THAP8: variants seen among roughly 807,000 people sequenced by gnomAD.
The protein encoded by THAP8 is THAP domain-containing protein 8.
Under a neutral mutation model 25.0 loss-of-function variants are expected in THAP8, and 24 were observed. That is an observed-to-expected ratio of 0.96 (90% CI 0.69 to 1.35). THAP8 has a LOEUF of 1.35. THAP8 is among the 40% of genes most tolerant of loss of function. The probability of loss-of-function intolerance (pLI) is 0.00; values close to 1 mark genes in which losing one functional copy is unlikely to be tolerated. For synonymous variants in THAP8, 169 were observed against 157.6 expected, an observed-to-expected ratio of 1.07 and a Z score of -0.54; for missense variants, 399 against 368.8, an observed-to-expected ratio of 1.08 and a Z score of -0.67.
intron 1 of THAP8, among the ~76,000 whole-genome samples, chr19:36,044,829 G>A (rs1219271678): frequency 6.6e-6 from 1 of 152,124 alleles, no homozygotes; most frequent in African/African-American, 2.4e-5. Flanking sequence ...ACTAGTGAGT[G>A]CTAGAGAATT....
upstream of THAP8, chr19:36,054,300 C>A (rs573088832): frequency 2.7e-6 from 4 of 1,483,740 alleles, no homozygotes; most frequent in African/African-American, 1.4e-5. Flanking sequence ...CCGCCCCACC[C>A]GCGCTCGCCG....
At chr19:36,044,034 C>T (rs1346606165) in intron 1 of THAP8, among the ~76,000 whole-genome samples, 1 of 152,152 alleles carries the variant, frequency 6.6e-6, no homozygotes, top group Non-Finnish European at 1.5e-5. Context: ...TGCTCTTACC[C>T]TCTTAGATGG....
Position 36,040,039 on chromosome 19 carries a change from G to A in THAP8, c.181C>T (p.His61Tyr), listed in dbSNP as rs1452337059. The A allele has an allele frequency of 6.2e-7, 1 of 1,613,766 alleles. No individual in the cohort carries two copies. Residue 61 changes from histidine to tyrosine, a missense_variant, in exon 2 of 4, where the codon CAC becomes TAC. Transcript: ENST00000292894. ...CACTGGAAGCAGGAGGGTGTGAAGT[G>A]CTCGCTGCACAAGTGCTGGTGGCAG... Reference protein sequence around the residue: ...PSCHQHLCSEHFTPSCFQWRW... With the variant: ...PSCHQHLCSEYFTPSCFQWRW...
At chr19:36,051,235 C>T (rs565360878) in intron 1 of THAP8, among the ~76,000 whole-genome samples, 1 of 152,248 alleles carries the variant, frequency 6.6e-6, no homozygotes, top group Non-Finnish European at 1.5e-5. Context: ...AACATGCCTG[C>T]CACACTACAG....
chr19:36,048,791 T>C (rs1320007678), intron 1 of THAP8, among the ~76,000 whole-genome samples: 1 of 139,766 alleles, frequency 7.2e-6, no homozygotes, highest in Non-Finnish European at 1.5e-5. Context: ...GAGGCTGCAG[T>C]GAACCATGAT....
At chr19:36,052,988 C>T (rs1198714296) in intron 1 of THAP8, among the ~76,000 whole-genome samples, 4 of 152,038 alleles carry the variant, frequency 2.6e-5, no homozygotes, top group African/African-American at 7.2e-5. Context: ...TTTGGGAGGC[C>T]GAGGCAGGAG....
At chr19:36,052,383 G>A (rs1408899048) in intron 1 of THAP8, among the ~76,000 whole-genome samples, 3 of 152,178 alleles carry the variant, frequency 2.0e-5, no homozygotes, top group Non-Finnish European at 4.4e-5. Context: ...CTGATGATCT[G>A]AAGCGTTTCA....
chr19:36,045,264 ATATT>A (rs777511323), intron 1 of THAP8, among the ~76,000 whole-genome samples: 9 of 148,878 alleles, frequency 6.0e-5, no homozygotes, highest in Non-Finnish European at 6.0e-5. Context: ...ATTTTTTTGT[ATATT>A]TATTTATTTA....
At chr19:36,039,900 G>C in intron 2 of THAP8, 44 bp downstream of exon 2, 3 of 1,609,598 alleles carry the variant, frequency 1.9e-6, no homozygotes, top group Non-Finnish European at 2.5e-6. Context: ...TAGGCAGGGA[G>C]GTCTGGGGGT....
intron 1 of THAP8, among the ~76,000 whole-genome samples, chr19:36,049,675 C>A (rs1358666980): frequency 0.08 from 12 of 150 alleles, 1 homozygote; most frequent in East Asian, 0.29. Flanking sequence ...CATTTTCCTC[C>A]TTATTATACA....
At chr19:36,037,343 T>TAC (rs58349186) in intron 3 of THAP8, among the ~76,000 whole-genome samples, 6,257 of 114,662 alleles carry the variant, frequency 0.055, 262 homozygotes, top group East Asian at 0.18. Context: ...ATTCCTCCCC[T>TAC]ACACACACAC....
At chr19:36,053,633 T>C (rs561990685) in intron 1 of THAP8, among the ~76,000 whole-genome samples, 4 of 149,732 alleles carry the variant, frequency 2.7e-5, no homozygotes, top group South Asian at 4.2e-4. Context: ...GCCAGATAAA[T>C]AAGGAGACAG....
At chr19:36,047,128 C>T (rs1969906549) in intron 1 of THAP8, among the ~76,000 whole-genome samples, 3 of 152,234 alleles carry the variant, frequency 2.0e-5, no homozygotes, top group Admixed American at 2.0e-4. Context: ...TGCTCTACCA[C>T]TGAGCTATAC....
At chr19:36,037,800 C>T (rs530990871) in intron 3 of THAP8, among the ~76,000 whole-genome samples, 8 of 151,826 alleles carry the variant, frequency 5.3e-5, no homozygotes, top group Non-Finnish European at 7.4e-5. Context: ...CCACCACGTC[C>T]GGCTACTTTT....
At chr19:36,043,963 G>A (rs1284713282) in intron 1 of THAP8, among the ~76,000 whole-genome samples, 3 of 152,116 alleles carry the variant, frequency 2.0e-5, no homozygotes, top group Non-Finnish European at 4.4e-5. Context: ...ATTATCTGAT[G>A]AGGGACCCTC....
chr19:36,038,382 C>A (rs1370204423), intron 3 of THAP8, among the ~76,000 whole-genome samples: 2 of 152,162 alleles, frequency 1.3e-5, no homozygotes, highest in East Asian at 3.9e-4. Flanking sequence ...CTGCCTCAGG[C>A]TCCCAAGTAG....
intron 1 of THAP8, among the ~76,000 whole-genome samples, chr19:36,044,148 C>T (rs1462395471): frequency 2.0e-5 from 3 of 152,120 alleles, no homozygotes; most frequent in South Asian, 2.1e-4. Flanking sequence ...CAAATGCTGG[C>T]CAGTTTGTCC....
intron 3 of THAP8, among the ~76,000 whole-genome samples, chr19:36,037,158 T>C (rs1299697672): frequency 1.3e-5 from 2 of 151,406 alleles, no homozygotes; most frequent in Non-Finnish European, 2.9e-5. Context: ...AAACTGTGAT[T>C]TTCAGAGACA....
intron 1 of THAP8, among the ~76,000 whole-genome samples, chr19:36,047,228 T>A (rs562444190): frequency 6.6e-6 from 1 of 152,334 alleles, no homozygotes; most frequent in South Asian, 2.1e-4. Context: ...AAGTCCTTTT[T>A]TTCTTTCTTA....
Sources: allele counts gnomAD v4.1 joint callset (sites outside exome capture counted in the v4.1 genomes callset), GRCh38; gene constraint gnomAD v4.1.1; transcripts MANE v1.5; gene names NCBI Gene and HGNC (gene_info 2026-07-23, HGNC 2026-07-21).